Variants in RIMBP2 observed in about 807,000 individuals in gnomAD.
The protein encoded by RIMBP2 is RIMS binding protein 2.
RIMBP2 carries 48 observed loss-of-function variants against 118.6 expected under a neutral mutation model. The ratio of observed to expected loss-of-function variants is 0.40; its 90% CI spans 0.32 to 0.51. RIMBP2 has a LOEUF of 0.51. Ranked by LOEUF, RIMBP2 falls within the 20% of genes least tolerant of loss-of-function variation. The probability of loss-of-function intolerance (pLI) is 0.41; values close to 1 mark genes in which losing one functional copy is unlikely to be tolerated. For missense variants in RIMBP2, 1,551 were observed against 1,768.3 expected, an observed-to-expected ratio of 0.88 and a Z score of 2.20; for synonymous variants, 762 against 742.9, an observed-to-expected ratio of 1.03 and a Z score of -0.42.
In RIMBP2 at chr12:130,581,816, G is replaced by C. The variant is rs1350283904; in HGVS notation, c.-217+46506C>G. On this transcript the variant is annotated intron_variant, in intron 2 of 22. Coordinates refer to ENST00000690449, the MANE Select transcript of RIMBP2 (RefSeq NM_001393629.1). The surrounding 1 kb of genome is among the most constrained non-coding windows in gnomAD (Gnocchi z 4.4). ...TAAGCTGTCAACATGGTGGCCAGAA[G>C]TCACAACACCAAAAAATAAGCCACA... Among the ~76,000 whole-genome samples the C allele has an allele frequency of 6.6e-6, 1 of 152,198 alleles. No homozygotes were observed. Among genetic ancestry groups the C allele is most frequent in the Non-Finnish European group, 1.5e-5 (1 of 68,042 alleles).
chr12:130,681,284 AAAAT>A (rs1179713664), intron 1 of RIMBP2, among the ~76,000 whole-genome samples: 56 of 144,570 alleles, frequency 3.9e-4, no homozygotes, highest in Non-Finnish European at 4.7e-4. Flanking sequence ...TCTCTAAAAA[AAAAT>A]AAAAAATAAA....
At chr12:130,453,092 T>G (rs530672764) in intron 7 of RIMBP2, among the ~76,000 whole-genome samples, 1 of 152,252 alleles carries the variant, frequency 6.6e-6, no homozygotes, top group African/African-American at 2.4e-5. Flanking sequence ...GTCAAAAAAA[T>G]GTTGACTCAA....
intron 4 of RIMBP2, among the ~76,000 whole-genome samples, chr12:130,498,925 C>T (rs967650587): frequency 2.6e-5 from 4 of 152,188 alleles, no homozygotes; most frequent in African/African-American, 9.7e-5. Flanking sequence ...TTTGGGGTTG[C>T]ATTAGTCCAT....
At chr12:130,618,635 C>A (rs1438147899) in intron 2 of RIMBP2, among the ~76,000 whole-genome samples, 3 of 152,152 alleles carry the variant, frequency 2.0e-5, no homozygotes, top group East Asian at 1.9e-4. Context: ...CACACCTGAA[C>A]AAGCATCCTG....
chr12:130,462,749 G>A (rs991438885), intron 6 of RIMBP2, among the ~76,000 whole-genome samples: 3 of 152,246 alleles, frequency 2.0e-5, no homozygotes, highest in African/African-American at 7.2e-5. Flanking sequence ...TAGCAGGGCA[G>A]AGCGCTGGCA....
intron 2 of RIMBP2, among the ~76,000 whole-genome samples, chr12:130,520,528 C>A (rs1372379084): frequency 6.6e-6 from 1 of 151,980 alleles, no homozygotes; most frequent in African/African-American, 2.4e-5. Context: ...AAAAATTAGC[C>A]AGGCGTGGTG....
intron 1 of RIMBP2, among the ~76,000 whole-genome samples, chr12:130,651,656 T>C (rs2063237349): frequency 6.6e-6 from 1 of 152,254 alleles, no homozygotes; most frequent in Admixed American, 6.5e-5. Flanking sequence ...GAGCTGAATC[T>C]TTTCATGTCT....
chr12:130,413,982 C>T, intron 18 of RIMBP2, 143 bp downstream of exon 18: 1 of 885,598 alleles, frequency 1.1e-6, no homozygotes, highest in Non-Finnish European at 1.8e-6. Flanking sequence ...CGTCACAGCA[C>T]CATGCCACCT....
chr12:130,612,975 C>T (rs1234781979), intron 2 of RIMBP2, among the ~76,000 whole-genome samples: 1 of 152,020 alleles, frequency 6.6e-6, no homozygotes, highest in East Asian at 1.9e-4. Flanking sequence ...TCCAGCCCCC[C>T]GTCATCGCCA....
intron 1 of RIMBP2, among the ~76,000 whole-genome samples, chr12:130,684,530 G>A (rs1244281068): frequency 6.6e-6 from 1 of 152,224 alleles, no homozygotes; most frequent in African/African-American, 2.4e-5. Context: ...GGGGCTTGCT[G>A]AGCTGCATTT....
intron 6 of RIMBP2, among the ~76,000 whole-genome samples, chr12:130,459,613 C>T (rs1028248188): frequency 6.6e-6 from 1 of 152,166 alleles, no homozygotes; most frequent in Admixed American, 6.5e-5. Context: ...CGGCTGAGGT[C>T]ACAGGAGCCT....
At chr12:130,499,467 C>T (rs969836183) in intron 4 of RIMBP2, among the ~76,000 whole-genome samples, 1 of 152,190 alleles carries the variant, frequency 6.6e-6, no homozygotes, top group Non-Finnish European at 1.5e-5. Flanking sequence ...TCCCATCTCG[C>T]TCAGGAAGGA....
intron 9 of RIMBP2, among the ~76,000 whole-genome samples, chr12:130,449,190 C>A (rs61935894): frequency 0.079 from 11,983 of 152,308 alleles, 609 homozygotes; most frequent in Middle Eastern, 0.14. Context: ...TGGGTCTTCA[C>A]GAGTGCTAAG....
At chr12:130,444,182 T>C (rs1485516680) in intron 10 of RIMBP2, among the ~76,000 whole-genome samples, 1 of 152,216 alleles carries the variant, frequency 6.6e-6, no homozygotes, top group African/African-American at 2.4e-5. Flanking sequence ...TGTGGACTTA[T>C]GGGAAGAATT....
At chr12:130,426,733 TATG>T (rs2076817491) in intron 15 of RIMBP2, 1 of 152,290 alleles carries the variant, frequency 6.6e-6, no homozygotes, top group Non-Finnish European at 1.5e-5. Context: ...CCAGGAACTT[TATG>T]ATGAACTCGC....
chr12:130,481,549 C>G (rs889953324), intron 4 of RIMBP2, among the ~76,000 whole-genome samples: 1 of 152,180 alleles, frequency 6.6e-6, no homozygotes, highest in Non-Finnish European at 1.5e-5. Flanking sequence ...TTACCCTGCA[C>G]CCCCACAGAC....
At chr12:130,516,512 A>G (rs2051477110) in intron 3 of RIMBP2, among the ~76,000 whole-genome samples, 1 of 152,208 alleles carries the variant, frequency 6.6e-6, no homozygotes, top group Non-Finnish European at 1.5e-5. Context: ...GAACATGAAA[A>G]CAGGTGTTGT....
At chr12:130,519,272 C>A (rs1379496065) in intron 2 of RIMBP2, among the ~76,000 whole-genome samples, 11 of 152,226 alleles carry the variant, frequency 7.2e-5, no homozygotes, top group Admixed American at 7.2e-4. Context: ...CTCCTCCTGG[C>A]CATTTTCAGC....
intron 1 of RIMBP2, among the ~76,000 whole-genome samples, chr12:130,692,919 G>C: frequency 6.6e-6 from 1 of 151,624 alleles, no homozygotes; most frequent in Non-Finnish European, 1.5e-5. Context: ...GGTAGGATAG[G>C]GTAGAGAGAT....
Sources: allele counts gnomAD v4.1 joint callset (sites outside exome capture counted in the v4.1 genomes callset), GRCh38; gene constraint gnomAD v4.1.1; non-coding constraint Gnocchi (gnomAD v3.1); transcripts MANE v1.5; gene names NCBI Gene and HGNC (gene_info 2026-07-23, HGNC 2026-07-21).